PRKCB: variants seen among roughly 807,000 people sequenced by gnomAD.
PRKCB encodes the protein protein kinase C beta type.
PRKCB carries 13 observed loss-of-function variants against 81.5 expected under a neutral mutation model. That is an observed-to-expected ratio of 0.16 (90% confidence interval 0.10 to 0.25). PRKCB has a LOEUF of 0.25. Ranked by LOEUF, PRKCB falls within the 10% of genes least tolerant of loss-of-function variation. PRKCB has a pLI of 1.00. For synonymous variants in PRKCB, 335 were observed against 321.4 expected (o/e 1.04, Z -0.45); for missense variants, 509 against 875.7 (o/e 0.58, Z 5.29).
At position 24,012,777 on chromosome 16, in the gene PRKCB, A is replaced by G. The variant is rs370509538; in HGVS notation, c.289-19359A>G. 2.6e-5 allele frequency among the ~76,000 whole-genome samples: 4 copies of G among 152,262 alleles called. No individual in the cohort carries two copies. In the East Asian group the frequency reaches 7.7e-4, roughly 29 times the overall value. ...TCCCTGTTGGAAGATACAGGATATGATTGTCCTACTCATGAGGCCCTGCGT... is the reference window on the plus strand; with the variant it reads ...TCCCTGTTGGAAGATACAGGATATGGTTGTCCTACTCATGAGGCCCTGCGT... On this transcript the variant is annotated intron_variant, in intron 3 of 16. Coordinates refer to ENST00000643927, the MANE Select transcript of PRKCB (RefSeq NM_002738.7).
chr16:23,969,376 T>C (rs748452086), intron 2 of PRKCB, among the ~76,000 whole-genome samples: 1 of 152,180 alleles, frequency 6.6e-6, no homozygotes, highest in Non-Finnish European at 1.5e-5. Context: ...TTGTACAGTA[T>C]GCACTATTTT....
intron 15 of PRKCB, among the ~76,000 whole-genome samples, chr16:24,190,613 G>A (rs374014703): frequency 2.7e-5 from 4 of 149,086 alleles, no homozygotes; most frequent in Admixed American, 6.7e-5. Flanking sequence ...TCCGCTTCCC[G>A]GGTTCAACAA....
chr16:24,151,585 A>G (rs933838822), intron 9 of PRKCB: 1 of 332,842 alleles, frequency 3.0e-6, no homozygotes, highest in Non-Finnish European at 6.0e-6. Context: ...TCTGAATGGA[A>G]CCTCCAGATT....
In PRKCB at chr16:24,125,696, G is replaced by A. The variant is rs138971721; in HGVS notation, c.1065+1715G>A. Reference sequence around the variant, plus strand: ...AGTAGGGATCTTCTCCGTCGTGGTCGCCACTGTGATTTCAGAGCCTAGGGA... The same window carrying A: ...AGTAGGGATCTTCTCCGTCGTGGTCACCACTGTGATTTCAGAGCCTAGGGA... On this transcript the variant is annotated intron_variant, in intron 9 of 16. Coordinates refer to ENST00000643927, the MANE Select transcript of PRKCB (RefSeq NM_002738.7). Among the ~76,000 whole-genome samples, 777 of 152,232 alleles carry A rather than the reference G, an allele frequency of 5.1e-3. 4 individuals carry two copies. The highest frequency in any genetic ancestry group is 0.01 in the Middle Eastern group (3 of 294).
At chr16:24,113,157 C>G in intron 8 of PRKCB, 88 bp downstream of exon 8, 2 of 921,432 alleles carry the variant, frequency 2.2e-6, no homozygotes, top group Non-Finnish European at 3.2e-6. Context: ...CTTTCTCTTT[C>G]TCTCTTATTC....
At position 24,092,964 on chromosome 16, in the gene PRKCB, G is replaced by T. The variant is rs202027145; in HGVS notation, c.686+17G>T. On this transcript the variant is annotated intron_variant, in intron 6 of 16. Transcript: ENST00000643927. Reference sequence around the variant, plus strand: ...ATTTAGATTGTAAGTGGAAATGACTGCAGTGAGCATGGGTGGTGGAGGTTG... The same window carrying T: ...ATTTAGATTGTAAGTGGAAATGACTTCAGTGAGCATGGGTGGTGGAGGTTG... 116 of 1,611,606 alleles carry T rather than the reference G, an allele frequency of 7.2e-5. No individual in the cohort carries two copies. Among genetic ancestry groups the T allele is most frequent in the Non-Finnish European group, 8.9e-5 (105 of 1,179,402 alleles).
chr16:24,071,406 C>A (rs1966105476), intron 5 of PRKCB, among the ~76,000 whole-genome samples: 1 of 127,016 alleles, frequency 7.9e-6, no homozygotes, highest in Non-Finnish European at 1.6e-5. Context: ...GAGTTTGAGA[C>A]TAGCCTGGGT....
chr16:24,215,921 T>C lies in PRKCB; in HGVS notation c.*1105T>C. ...TTGATGTTGTTTTGCAAGATGTTTG[T>C]GGAAATGTTCATTTGTATCTGGATC... is the stretch of plus-strand genomic sequence containing the variant. On this transcript the variant is annotated 3_prime_UTR_variant, in exon 17 of 17. Transcript: ENST00000643927. 1.0e-6 allele frequency: 1 copy of C among 984,882 alleles called. No individual in the cohort carries two copies. The highest frequency in any genetic ancestry group is 5.2e-4 in the Middle Eastern group (1 of 1,914). The allele number at this position is 984,882 out of a possible 1,614,324, so 61.0% of individuals were successfully genotyped here.
chr16:24,027,039 G>A (rs1965490992), intron 3 of PRKCB, among the ~76,000 whole-genome samples: 1 of 152,076 alleles, frequency 6.6e-6, no homozygotes, highest in Non-Finnish European at 1.5e-5. Flanking sequence ...TGGGGTACAC[G>A]TGCAGAATGT....
At chr16:23,975,013 T>C (rs1355388510) in intron 2 of PRKCB, among the ~76,000 whole-genome samples, 5 of 152,182 alleles carry the variant, frequency 3.3e-5, no homozygotes, top group Admixed American at 6.5e-5. Flanking sequence ...CCACCAGGAC[T>C]GCATACCGTG....
chr16:24,030,178 G>T (rs978390316), intron 3 of PRKCB, among the ~76,000 whole-genome samples: 1 of 152,156 alleles, frequency 6.6e-6, no homozygotes, highest in African/African-American at 2.4e-5. Context: ...GGTTATAGGC[G>T]TGAGACACTG....
chr16:23,945,725 A>AAAAG (rs1964197169), intron 2 of PRKCB, among the ~76,000 whole-genome samples: 1 of 151,438 alleles, frequency 6.6e-6, no homozygotes, highest in African/African-American at 2.4e-5. Context: ...TCTCTGGTAA[A>AAAAG]AAAGAAAAAG....
chr16:24,112,372 A>T (rs539541094), intron 7 of PRKCB, among the ~76,000 whole-genome samples: 15 of 151,622 alleles, frequency 9.9e-5, no homozygotes, highest in East Asian at 3.9e-4. Context: ...CTACAAAAAA[A>T]TTTTTTTTTG....
rs1238947205 is a variant in PRKCB at position 23,993,770 on chromosome 16, G to A, written c.288+5180G>A. ...GTAGGTGCGGTTACCTTAATGGATC[G>A]CAGAGTTACAACAACAATCGGAATA... On this transcript the variant is annotated intron_variant, in intron 3 of 16. Transcript: ENST00000643927. Among the ~76,000 whole-genome samples the A allele has an allele frequency of 2.0e-5, 3 of 152,276 alleles. No homozygotes were observed. The East Asian group carries it at 5.8e-4, about 29-fold the overall frequency.
chr16:23,979,919 A>G (rs559473096), intron 2 of PRKCB, among the ~76,000 whole-genome samples: 2 of 152,286 alleles, frequency 1.3e-5, no homozygotes, highest in East Asian at 3.9e-4. Flanking sequence ...TCCCGTCTCT[A>G]GAAAAAACTT....
intron 2 of PRKCB, among the ~76,000 whole-genome samples, chr16:23,871,558 T>A (rs1025527509): frequency 2.0e-4 from 30 of 152,048 alleles, no homozygotes; most frequent in African/African-American, 7.2e-4. Context: ...CATTCTCTAA[T>A]CCCATCACCT....
chr16:24,185,430 C>T (rs762334354), intron 14 of PRKCB, 30 bp from the exon 15 acceptor site: 2 of 1,589,534 alleles, frequency 1.3e-6, no homozygotes, highest in Admixed American at 1.7e-5. Context: ...AGCAGGGATT[C>T]TTCTCCTCCC....
chr16:24,110,980 A>C (rs183789132), intron 7 of PRKCB: 6 of 152,368 alleles, frequency 3.9e-5, no homozygotes, highest in African/African-American at 1.4e-4. Context: ...CTGATATACA[A>C]ATCTAGCAAA....
chr16:23,868,967 C>G (rs963087270), intron 2 of PRKCB: 1 of 358,466 alleles, frequency 2.8e-6, no homozygotes, highest in African/African-American at 2.1e-5. Context: ...TGAGCTTGAC[C>G]CATTTCACAG....
Sources: allele counts gnomAD v4.1 joint callset (sites outside exome capture counted in the v4.1 genomes callset), GRCh38; gene constraint gnomAD v4.1.1; transcripts MANE v1.5; gene names NCBI Gene and HGNC (gene_info 2026-07-23, HGNC 2026-07-21).